ZNF385B: variants seen among roughly 807,000 people sequenced by gnomAD.
ZNF385B encodes zinc finger protein 385B.
Under a neutral mutation model 39.2 loss-of-function variants are expected in ZNF385B, and 23 were observed. That is an observed-to-expected ratio of 0.59 (90% confidence interval 0.42 to 0.83). The LOEUF is 0.83. ZNF385B is among the 40% of genes least tolerant of loss of function. The pLI is 0.00. For synonymous variants in ZNF385B, 205 were observed against 222.6 expected (o/e 0.92, Z 0.70); for missense variants, 552 against 598.9 (o/e 0.92, Z 0.82).
At chr2:179,679,804 G>C (rs969527636) in intron 3 of ZNF385B, among the ~76,000 whole-genome samples, 2 of 152,148 alleles carry the variant, frequency 1.3e-5, no homozygotes, top group South Asian at 2.1e-4. Context: ...CTGAAATTCT[G>C]AGACTTAACA....
At chr2:179,753,723 T>C (rs1405985174) in intron 3 of ZNF385B, among the ~76,000 whole-genome samples, 2 of 152,196 alleles carry the variant, frequency 1.3e-5, no homozygotes, top group African/African-American at 4.8e-5. Context: ...TCACTCATGA[T>C]TTGGCTCTCT....
chr2:179,446,469 G>A (rs1442214323), intron 7 of ZNF385B, 56 bp downstream of exon 7: 1 of 1,557,562 alleles, frequency 6.4e-7, no homozygotes, highest in Non-Finnish European at 8.7e-7. Context: ...GTATTCTGAT[G>A]GGAAAAGTTG....
chr2:179,778,041 T>C (rs1428428089), intron 1 of ZNF385B, among the ~76,000 whole-genome samples: 1 of 149,436 alleles, frequency 6.7e-6, no homozygotes, highest in Non-Finnish European at 1.5e-5. Flanking sequence ...TGTCAAGAGG[T>C]TTTTTTTAAT....
intron 3 of ZNF385B, among the ~76,000 whole-genome samples, chr2:179,654,069 GCAA>G (rs2106255214): frequency 6.6e-6 from 1 of 152,276 alleles, no homozygotes; most frequent in African/African-American, 2.4e-5. Context: ...TGACAGAGGT[GCAA>G]ACAGAATCAA....
chr2:179,543,312 T>C (rs1174169684), intron 4 of ZNF385B, among the ~76,000 whole-genome samples: 1 of 151,886 alleles, frequency 6.6e-6, no homozygotes, highest in Non-Finnish European at 1.5e-5. Flanking sequence ...GAAAATAAAA[T>C]AAAGAGAGGT....
intron 3 of ZNF385B, among the ~76,000 whole-genome samples, chr2:179,646,800 T>A (rs976016601): frequency 6.6e-6 from 1 of 152,246 alleles, no homozygotes; most frequent in African/African-American, 2.4e-5. Context: ...ATGTGATTTT[T>A]GAATTTGCTT....
Position 179,443,333 on chromosome 2 carries a change from G to A in ZNF385B, c.1378C>T (p.Pro460Ser). Residue 460 changes from proline (P) to serine (S), a missense_variant, in exon 10 of 10, where the codon CCA becomes TCA. Coordinates refer to ENST00000410066, the MANE Select transcript of ZNF385B (RefSeq NM_152520.6). Reference sequence around the variant, plus strand: ...CTCAGAAGAGCTGGAGGAATGGCTGGAGCCTGGAAGAGCGAGGCAGAGGGC... The same window carrying A: ...CTCAGAAGAGCTGGAGGAATGGCTGAAGCCTGGAAGAGCGAGGCAGAGGGC... ...PRPSASLFQA[P>S]AIPPALLRPG... 1 of 1,612,880 alleles carries A rather than the reference G, an allele frequency of 6.2e-7. No individual in the cohort carries two copies. Among genetic ancestry groups the A allele is most frequent in the Non-Finnish European group, 8.5e-7 (1 of 1,179,822 alleles).
intron 3 of ZNF385B, among the ~76,000 whole-genome samples, chr2:179,631,051 A>G (rs1215988648): frequency 6.6e-6 from 1 of 152,228 alleles, no homozygotes; most frequent in African/African-American, 2.4e-5. Context: ...TGATTGGTGT[A>G]CCTAAAAGTG....
chr2:179,701,863 T>C (rs1336514221), intron 3 of ZNF385B, among the ~76,000 whole-genome samples: 1 of 152,168 alleles, frequency 6.6e-6, no homozygotes, highest in Non-Finnish European at 1.5e-5. Flanking sequence ...GGTACATCTC[T>C]AGCTCTTCCA....
intron 3 of ZNF385B, among the ~76,000 whole-genome samples, chr2:179,612,253 G>A (rs1408121937): frequency 2.0e-5 from 3 of 152,150 alleles, no homozygotes; most frequent in Admixed American, 2.0e-4. Flanking sequence ...GTGAGGTCAT[G>A]TTTTCCTGGA....
chr2:179,697,401 C>G (rs1698848858), intron 3 of ZNF385B, among the ~76,000 whole-genome samples: 1 of 152,214 alleles, frequency 6.6e-6, no homozygotes, highest in Non-Finnish European at 1.5e-5. Flanking sequence ...CCTGTGCTGT[C>G]ATGCACTTCT....
chr2:179,807,459 G>A (rs183168047), intron 1 of ZNF385B, among the ~76,000 whole-genome samples: 8 of 152,048 alleles, frequency 5.3e-5, no homozygotes, highest in Non-Finnish European at 1.0e-4. Context: ...TTAGCTAGGC[G>A]TTGTGGCGTG....
intron 3 of ZNF385B, among the ~76,000 whole-genome samples, chr2:179,767,715 C>T (rs1015723741): frequency 2.0e-5 from 3 of 151,950 alleles, no homozygotes; most frequent in Non-Finnish European, 2.9e-5. Flanking sequence ...AGGTATATTC[C>T]GCTTTAGTTC....
rs562782008 is a variant in ZNF385B, at chr2:179,509,914, T to C, written c.552+8614A>G. Reference sequence around the variant, plus strand: ...CACCTGCTGCAGAGTTCAGTTTATATGTGACTTTCTCCAAATCCCCTTATC... The same window carrying C: ...CACCTGCTGCAGAGTTCAGTTTATACGTGACTTTCTCCAAATCCCCTTATC... On this transcript the variant is annotated intron_variant, in intron 5 of 9. Coordinates refer to ENST00000410066, the MANE Select transcript of ZNF385B (RefSeq NM_152520.6). 3.9e-5 allele frequency among the ~76,000 whole-genome samples: 6 copies of C among 152,344 alleles called. 1 individual carries two copies. In the South Asian group the frequency reaches 1.2e-3, roughly 32 times the overall value.
At chr2:179,669,663 C>A (rs981883014) in intron 3 of ZNF385B, among the ~76,000 whole-genome samples, 21 of 152,230 alleles carry the variant, frequency 1.4e-4, no homozygotes, top group African/African-American at 5.1e-4. Flanking sequence ...GTTTCTTAAA[C>A]CAAGAAGCTT....
At chr2:179,498,921 T>G (rs2056503542) in intron 5 of ZNF385B, among the ~76,000 whole-genome samples, 1 of 151,646 alleles carries the variant, frequency 6.6e-6, no homozygotes, top group Admixed American at 6.6e-5. Context: ...TTGGCAAACA[T>G]TTAGCCATAC....
chr2:179,542,623 C>T lies in ZNF385B; in HGVS notation c.441+2204G>A, dbSNP rs139708250. ...AACCATTATGAAATTGTAATTTTAT[C>T]TTTAAAAATCCTTTATGAAGGTATT... On this transcript the variant is annotated intron_variant, in intron 4 of 9. Coordinates refer to ENST00000410066, the MANE Select transcript of ZNF385B (RefSeq NM_152520.6). Among the ~76,000 whole-genome samples the T allele has an allele frequency of 1.5e-3, 235 of 152,220 alleles. 3 individuals are homozygous for T. The highest frequency in any genetic ancestry group is 5.4e-3 in the African/African-American group (225 of 41,530).
intron 6 of ZNF385B, among the ~76,000 whole-genome samples, chr2:179,459,195 A>C (rs1169590865): frequency 6.6e-6 from 1 of 152,108 alleles, no homozygotes; most frequent in Non-Finnish European, 1.5e-5. Flanking sequence ...ATTAGATAAA[A>C]ATTTCTTTGC....
chr2:179,745,246 C>T (rs1269198362), intron 3 of ZNF385B, among the ~76,000 whole-genome samples: 8 of 152,038 alleles, frequency 5.3e-5, no homozygotes, highest in African/African-American at 1.9e-4. Context: ...GTATGTAATC[C>T]ACATCACTTA....
Sources: allele counts gnomAD v4.1 joint callset (sites outside exome capture counted in the v4.1 genomes callset), GRCh38; gene constraint gnomAD v4.1.1; transcripts MANE v1.5; gene names NCBI Gene and HGNC (gene_info 2026-07-23, HGNC 2026-07-21).